Variants in PCDH15 observed in about 807,000 individuals in gnomAD.
PCDH15 encodes protocadherin-15.
In PCDH15, 129 loss-of-function variants were observed where a neutral mutation model predicts 178.5. The observed-to-expected ratio is 0.72, with a 90% confidence interval of 0.63 to 0.84. The LOEUF is 0.84. Ranked by LOEUF, PCDH15 falls within the 40% of genes least tolerant of loss-of-function variation. The pLI is 0.00. For synonymous variants in PCDH15, 800 were observed against 732.0 expected, an observed-to-expected ratio of 1.09 and a Z score of -1.50; for missense variants, 2,230 against 2,099.9, an observed-to-expected ratio of 1.06 and a Z score of -1.21.
intron 21 of PCDH15, among the ~76,000 whole-genome samples, chr10:53,965,094 C>G (rs1191237859): frequency 3.4e-5 from 5 of 148,206 alleles, no homozygotes; most frequent in Non-Finnish European, 5.9e-5. Context: ...GTCTTGTACT[C>G]TTACCCGGGC....
chr10:54,949,520 A>G (rs1009459443), intron 2 of PCDH15, among the ~76,000 whole-genome samples: 3 of 151,996 alleles, frequency 2.0e-5, no homozygotes, highest in Non-Finnish European at 4.4e-5. Flanking sequence ...TATGGTAATT[A>G]ACATTTGGCT....
At chr10:54,473,576 T>C (rs2078067569) in intron 3 of PCDH15, among the ~76,000 whole-genome samples, 1 of 152,074 alleles carries the variant, frequency 6.6e-6, no homozygotes, top group African/African-American at 2.4e-5. Context: ...CTAATGTGGT[T>C]GGTAAAATAA....
intron 3 of PCDH15, among the ~76,000 whole-genome samples, chr10:54,391,818 A>G (rs1195605872): frequency 6.6e-6 from 1 of 152,154 alleles, no homozygotes; most frequent in Non-Finnish European, 1.5e-5. Context: ...TGAAGAGTGG[A>G]TGTAAAAGGC....
intron 2 of PCDH15, among the ~76,000 whole-genome samples, chr10:54,531,627 A>G (rs1409087283): frequency 1.3e-5 from 2 of 152,148 alleles, no homozygotes; most frequent in Non-Finnish European, 2.9e-5. Flanking sequence ...ACTTTAGCCT[A>G]TTCTCAAAAT....
chr10:54,423,702 T>G (rs1485127743), intron 3 of PCDH15, among the ~76,000 whole-genome samples: 1 of 151,888 alleles, frequency 6.6e-6, no homozygotes, highest in East Asian at 1.9e-4. Flanking sequence ...TCTCTTTGTT[T>G]GTTAGCAGAG....
At chr10:53,964,884 G>C (rs1272722022) in intron 21 of PCDH15, among the ~76,000 whole-genome samples, 2 of 152,100 alleles carry the variant, frequency 1.3e-5, no homozygotes, top group Admixed American at 1.3e-4. Context: ...AGACATCGTA[G>C]GACTTGGGGC....
intron 2 of PCDH15, among the ~76,000 whole-genome samples, chr10:55,160,169 G>T (rs898603369): frequency 2.6e-5 from 4 of 151,946 alleles, no homozygotes; most frequent in Non-Finnish European, 5.9e-5. Flanking sequence ...AGAAAGTTTG[G>T]CTTTCTCACA....
chr10:54,376,284 C>A (rs1948419942), intron 4 of PCDH15, among the ~76,000 whole-genome samples: 1 of 151,494 alleles, frequency 6.6e-6, no homozygotes, highest in African/African-American at 2.4e-5. Context: ...TAGGTAAATG[C>A]CCTATATTTT....
At chr10:53,975,852 T>A (rs1436094556) in intron 21 of PCDH15, among the ~76,000 whole-genome samples, 3 of 152,172 alleles carry the variant, frequency 2.0e-5, no homozygotes, top group African/African-American at 7.2e-5. Flanking sequence ...CCAAGAGCAA[T>A]GTCTAGAATG....
intron 2 of PCDH15, among the ~76,000 whole-genome samples, chr10:55,616,082 C>A (rs961337857): frequency 6.6e-5 from 10 of 152,134 alleles, no homozygotes; most frequent in African/African-American, 2.4e-4. Context: ...CAGTTTCTTT[C>A]CTGCAGCCCA....
At chr10:53,825,024 G>T (rs2076583414) in intron 32 of PCDH15, 1 of 1,282,176 alleles carries the variant, frequency 7.8e-7, no homozygotes, top group Non-Finnish European at 1.0e-6. Context: ...CAGTAAGTGA[G>T]TCTGTGGCAA....
intron 28 of PCDH15, 146 bp downstream of exon 28, chr10:53,857,029 C>G (rs902049530): frequency 3.1e-6 from 2 of 647,652 alleles, no homozygotes; most frequent in African/African-American, 3.7e-5. Context: ...GGTTGGCACA[C>G]TCGAAGCCTA....
At chr10:55,287,175 G>A (rs1369357989) in intron 1 of PCDH15, among the ~76,000 whole-genome samples, 2 of 151,974 alleles carry the variant, frequency 1.3e-5, no homozygotes, top group East Asian at 3.9e-4. Flanking sequence ...CTTGTGTTGA[G>A]AAGAAGGTTC....
chr10:55,218,009 G>A (rs1331443879), intron 1 of PCDH15, among the ~76,000 whole-genome samples: 2 of 151,988 alleles, frequency 1.3e-5, no homozygotes, highest in African/African-American at 4.8e-5. Context: ...GTCAGTAGGA[G>A]CATTCCTCTC....
chr10:55,134,852 A>G (rs1348028834), intron 2 of PCDH15, among the ~76,000 whole-genome samples: 2 of 152,194 alleles, frequency 1.3e-5, no homozygotes, highest in Non-Finnish European at 2.9e-5. Flanking sequence ...TTTGTTGACA[A>G]GGCCACAGAT....
intron 1 of PCDH15, among the ~76,000 whole-genome samples, chr10:55,276,462 A>C (rs924905485): frequency 2.0e-5 from 3 of 151,156 alleles, no homozygotes; most frequent in African/African-American, 7.3e-5. Context: ...AAATATTTTA[A>C]AATTTATTGA....
At chr10:55,277,386 G>T (rs565151846) in intron 1 of PCDH15, among the ~76,000 whole-genome samples, 1 of 152,066 alleles carries the variant, frequency 6.6e-6, no homozygotes, top group Admixed American at 6.6e-5. Context: ...AAGAGGAATG[G>T]TTTCTGAAAT....
chr10:54,927,432 T>C (rs1837660707), intron 2 of PCDH15, among the ~76,000 whole-genome samples: 1 of 152,108 alleles, frequency 6.6e-6, no homozygotes, highest in Non-Finnish European at 1.5e-5. Context: ...TGTGAAGTAA[T>C]GTGGATTTCT....
At chr10:55,492,579 G>T (rs761051856) in intron 2 of PCDH15, among the ~76,000 whole-genome samples, 4 of 151,678 alleles carry the variant, frequency 2.6e-5, no homozygotes, top group Admixed American at 6.6e-5. Context: ...GTAACCCTCT[G>T]GATCAGTGAG....
Sources: allele counts gnomAD v4.1 joint callset (sites outside exome capture counted in the v4.1 genomes callset), GRCh38; gene constraint gnomAD v4.1.1; transcripts MANE v1.5; gene names NCBI Gene and HGNC (gene_info 2026-07-23, HGNC 2026-07-21).